Variants in BAIAP2L2 observed in about 807,000 individuals in gnomAD.
The protein encoded by BAIAP2L2 is BAR/IMD domain containing adaptor protein 2 like 2.
A neutral mutation model predicts 60.4 loss-of-function variants in BAIAP2L2; 65 were observed. The ratio of observed to expected loss-of-function variants is 1.08; its 90% CI spans 0.88 to 1.32. The LOEUF is 1.32. BAIAP2L2 is among the 40% of genes most tolerant of loss of function. The pLI is 0.00. For synonymous variants in BAIAP2L2, 344 were observed against 301.7 expected, an observed-to-expected ratio of 1.14 and a Z score of -1.45; for missense variants, 836 against 741.2, an observed-to-expected ratio of 1.13 and a Z score of -1.48.
At chr22:38,106,515 G>A (rs984372448) in intron 4 of BAIAP2L2, among the ~76,000 whole-genome samples, 13 of 129,254 alleles carry the variant, frequency 1.0e-4, no homozygotes, top group African/African-American at 3.4e-4. Context: ...GCAAGACTCC[G>A]TCTCAAAAAA....
rs1418256267 is a variant in BAIAP2L2, at chr22:38,108,009, G to A, written c.215-96C>T. ...CTGAAAGCCAACAGAGGGCCTGCCC[G>A]AGACTGGATTTTGGGACCAAAGTCC... On this transcript the variant is annotated intron_variant, in intron 3 of 13. Transcript: ENST00000381669. 10 of 1,180,146 alleles carry A rather than the reference G, an allele frequency of 8.5e-6. No individual in the cohort carries two copies. The African/African-American group carries it at 9.3e-5, about 11-fold the overall frequency. 73.1% of individuals were successfully genotyped at this position (1,180,146 alleles called of 1,614,324 possible).
intron 4 of BAIAP2L2, among the ~76,000 whole-genome samples, chr22:38,107,294 C>T (rs573328957): frequency 4.6e-5 from 7 of 152,152 alleles, no homozygotes; most frequent in African/African-American, 9.6e-5. Context: ...GGGGAGGGAC[C>T]GGTGGCTCTA....
At chr22:38,105,831 G>A (rs116460262) in intron 4 of BAIAP2L2, among the ~76,000 whole-genome samples, 54 of 152,056 alleles carry the variant, frequency 3.6e-4, no homozygotes, top group Non-Finnish European at 4.6e-4. Flanking sequence ...GTATTCCCGC[G>A]GCCTACCACA....
At chr22:38,106,248 G>A (rs983847318) in intron 4 of BAIAP2L2, among the ~76,000 whole-genome samples, 4 of 152,184 alleles carry the variant, frequency 2.6e-5, no homozygotes, top group Non-Finnish European at 5.9e-5. Context: ...GCCAGGCGCG[G>A]TGGCTCACGG....
At chr22:38,092,176 C>T (rs777926159) in intron 7 of BAIAP2L2, among the ~76,000 whole-genome samples, 7 of 152,214 alleles carry the variant, frequency 4.6e-5, no homozygotes, top group Non-Finnish European at 7.3e-5. Context: ...ACGTTACTGA[C>T]TAGACTTGGA....
chr22:38,107,706 G>A, intron 4 of BAIAP2L2, 146 bp downstream of exon 4: 1 of 730,298 alleles, frequency 1.4e-6, no homozygotes. Flanking sequence ...CTATTGCAGG[G>A]AACCGTGCCC....
At position 38,093,984 on chromosome 22, in the gene BAIAP2L2, C is replaced by T. The variant is rs543057543; in HGVS notation, c.612+3048G>A. ...CATCTGAGTAAATACATCGAGTAAA[C>T]GAGTAAATACAATGTGGTGTATCCA... On this transcript the variant is annotated intron_variant, in intron 7 of 13. Transcript: ENST00000381669. The T allele has an allele frequency of 2.9e-4, 131 of 456,428 alleles. No individual in the cohort carries two copies. In the East Asian group the frequency reaches 6.0e-3, roughly 21 times the overall value. The allele number at this position is 456,428 out of a possible 1,614,324, so 28.3% of individuals were successfully genotyped here. A position where few individuals can be genotyped will look rare whatever the true frequency, so the allele number is the denominator to read the frequency against.
intron 4 of BAIAP2L2, among the ~76,000 whole-genome samples, chr22:38,099,780 G>A (rs1358714757): frequency 2.0e-5 from 3 of 152,246 alleles, no homozygotes; most frequent in Admixed American, 2.0e-4. Context: ...AGGCCCTCCC[G>A]CCTCTGCGCA....
At chr22:38,089,890 C>A (rs1449001210) in intron 7 of BAIAP2L2, among the ~76,000 whole-genome samples, 1 of 152,002 alleles carries the variant, frequency 6.6e-6, no homozygotes, top group Non-Finnish European at 1.5e-5. Flanking sequence ...CTTCCTCTGA[C>A]CCCCCGCTTC....
chr22:38,097,524 T>C (rs73421931), intron 6 of BAIAP2L2, among the ~76,000 whole-genome samples: 2,456 of 152,164 alleles, frequency 0.016, 71 homozygotes, highest in African/African-American at 0.056. Context: ...TAGCCCCTAC[T>C]TGGGGGGAAG....
chr22:38,089,541 G>A lies in BAIAP2L2; in HGVS notation c.746C>T (p.Thr249Met), dbSNP rs868560844. The A allele has an allele frequency of 9.9e-5, 121 of 1,221,596 alleles. No individual in the cohort carries two copies. The highest frequency in any genetic ancestry group is 1.1e-4 in the Non-Finnish European group (112 of 981,804). The allele number at this position is 1,221,596 out of a possible 1,614,324, so 75.7% of individuals were successfully genotyped here. The change falls in exon 8 of 14, where the codon ACG becomes ATG. Residue 249 changes from threonine (T) to methionine (M), a missense_variant. Physicochemically the swap from Thr to Met is moderately conservative, Grantham distance 81. Transcript: ENST00000381669. ...CCTCACCATGTCCAGGCAGGTGGGC[G>A]TCAGGCGGCCCGAGGGGTAGGGCGG... is the stretch of plus-strand genomic sequence containing the variant. Reference protein sequence around the residue: ...LGPPYPSGRLTPTCLDMPPRP... With the variant: ...LGPPYPSGRLMPTCLDMPPRP...
chr22:38,085,734 T>C lies in BAIAP2L2; in HGVS notation c.1468-2A>G. 6.3e-7 allele frequency: 1 copy of C among 1,595,798 alleles called. No homozygotes were observed. Among genetic ancestry groups the C allele is most frequent in the African/African-American group, 1.3e-5 (1 of 74,268 alleles). On this transcript the variant is annotated splice_acceptor_variant, in intron 12 of 13. Coordinates refer to ENST00000381669, the MANE Select transcript of BAIAP2L2 (RefSeq NM_025045.6). LOFTEE classifies it high-confidence loss of function. ...GTACTGCTCTGAGGACATCAGTTTC[T>C]GCAGTGGGGGTGGGGAAGGGCTGGT...
At chr22:38,091,340 G>A (rs1270272587) in intron 7 of BAIAP2L2, 1 of 152,232 alleles carries the variant, frequency 6.6e-6, no homozygotes, top group Admixed American at 6.5e-5. Flanking sequence ...ACAGGTGTGA[G>A]CCACTGCACC....
intron 11 of BAIAP2L2, 147 bp from the exon 12 acceptor site, chr22:38,086,596 G>A: frequency 1.5e-6 from 1 of 647,290 alleles, no homozygotes; most frequent in South Asian, 2.1e-5. Flanking sequence ...CCGGAGGGAG[G>A]TCCTGAGAGG....
At chr22:38,089,253 G>A (rs2086208158) in intron 8 of BAIAP2L2, 22 bp from the exon 9 acceptor site, 2 of 211,318 alleles carry the variant, frequency 9.5e-6, no homozygotes, top group Non-Finnish European at 1.7e-5. Context: ...ATGGGCAGGG[G>A]AGGGTGGGGC....
In BAIAP2L2 at chr22:38,097,073, G is replaced by A. The variant is rs777493896; in HGVS notation, c.571C>T (p.His191Tyr). The part of the protein sequence containing the change: ...KRRYRFLAEK[H>Y]LLLSNTFLQF... ...AGGAAGGTGTTGGAAAGTAGCAGGT[G>A]CTTCTCTGCTAGGAAGCGATAGCGC... The change falls in exon 7 of 14, where the codon CAC becomes TAC. Residue 191 changes from histidine to tyrosine, a missense_variant. His to Tyr is a moderately conservative substitution (Grantham distance 83). Transcript: ENST00000381669. 8 of 1,613,936 alleles carry A rather than the reference G, an allele frequency of 5.0e-6. No homozygotes were observed. The highest frequency in any genetic ancestry group is 6.8e-6 in the Non-Finnish European group (8 of 1,179,990).
chr22:38,110,070 A>G (rs377501287), intron 1 of BAIAP2L2, among the ~76,000 whole-genome samples: 1 of 9,156 alleles, frequency 1.1e-4, no homozygotes, highest in African/African-American at 3.5e-4. Context: ...AGAGAGACAG[A>G]GAGAGAGAGA....
At chr22:38,109,855 G>A (rs892775942) in intron 1 of BAIAP2L2, among the ~76,000 whole-genome samples, 3 of 151,660 alleles carry the variant, frequency 2.0e-5, no homozygotes, top group Admixed American at 6.6e-5. Flanking sequence ...AACCTCTTTG[G>A]TCTCAGTTTT....
At chr22:38,107,157 C>A (rs1402027929) in intron 4 of BAIAP2L2, among the ~76,000 whole-genome samples, 1 of 152,146 alleles carries the variant, frequency 6.6e-6, no homozygotes, top group Non-Finnish European at 1.5e-5. Context: ...GGCTTTGAAC[C>A]CACCACGAGC....
Sources: allele counts gnomAD v4.1 joint callset (sites outside exome capture counted in the v4.1 genomes callset), GRCh38; gene constraint gnomAD v4.1.1; transcripts MANE v1.5; gene names NCBI Gene and HGNC (gene_info 2026-07-23, HGNC 2026-07-21).